GALNT9: variants seen among roughly 807,000 people sequenced by gnomAD.
GALNT9 encodes GalNAc transferase 9.
Under a neutral mutation model 63.1 loss-of-function variants are expected in GALNT9, and 47 were observed. That is an observed-to-expected ratio of 0.75 (90% CI 0.59 to 0.95). The LOEUF is 0.95. GALNT9 is among the 40% of genes least tolerant of loss of function. The pLI, the probability that GALNT9 is intolerant of heterozygous loss-of-function variation, is 0.00. For missense variants in GALNT9, 829 were observed against 874.8 expected (o/e 0.95, Z 0.66); for synonymous variants, 396 against 365.7 (o/e 1.08, Z -0.94).
At chr12:132,326,118 G>C (rs1555246506) in intron 1 of GALNT9, among the ~76,000 whole-genome samples, 1 of 152,258 alleles carries the variant, frequency 6.6e-6, no homozygotes, top group Admixed American at 6.5e-5. Flanking sequence ...ATCTCAAGGG[G>C]CTTGAAAATT....
chr12:132,309,226 A>G (rs1881726986), intron 1 of GALNT9, among the ~76,000 whole-genome samples: 1 of 152,184 alleles, frequency 6.6e-6, no homozygotes, highest in African/African-American at 2.4e-5. Flanking sequence ...AGGATCCAGC[A>G]ATCTGACAGC....
In GALNT9 at chr12:132,204,314, C is replaced by T. The variant is rs115599522; in HGVS notation, c.1078-624G>A. 2.5e-3 allele frequency among the ~76,000 whole-genome samples: 375 copies of T among 152,272 alleles called. 2 individuals are homozygous for T. The highest frequency in any genetic ancestry group is 8.4e-3 in the African/African-American group (350 of 41,540). ...CCTTCCTATACGTGCTCTTTCACTCCGGTTTGTCCCCCCGCGCTGTCCTGC... is the reference window on the plus strand; with the variant it reads ...CCTTCCTATACGTGCTCTTTCACTCTGGTTTGTCCCCCCGCGCTGTCCTGC... On this transcript the variant is annotated intron_variant, in intron 6 of 10. Transcript: ENST00000328957.
At chr12:132,214,483 G>A (rs914245038) in intron 6 of GALNT9, among the ~76,000 whole-genome samples, 7 of 151,916 alleles carry the variant, frequency 4.6e-5, no homozygotes, top group South Asian at 2.1e-4. Flanking sequence ...GAGAGTCCAC[G>A]CCCCACCAGC....
intron 6 of GALNT9, among the ~76,000 whole-genome samples, chr12:132,247,126 G>A (rs1429068585): frequency 6.6e-6 from 1 of 151,302 alleles, no homozygotes. Context: ...GCAGAAGCCC[G>A]GCCGAGCTCA....
At chr12:132,250,834 G>A (rs970611227) in intron 5 of GALNT9, among the ~76,000 whole-genome samples, 2 of 152,196 alleles carry the variant, frequency 1.3e-5, no homozygotes, top group Admixed American at 6.5e-5. Flanking sequence ...GAGGTAAGAC[G>A]GCGAGGAGGC....
At chr12:132,223,162 C>G (rs1387473975) in intron 6 of GALNT9, among the ~76,000 whole-genome samples, 5,238 of 27,614 alleles carry the variant, frequency 0.19, 928 homozygotes, top group Non-Finnish European at 0.26. Flanking sequence ...AACCCACACA[C>G]CACACAACCC....
chr12:132,304,883 A>G (rs1400261791), intron 1 of GALNT9, among the ~76,000 whole-genome samples: 1 of 30,218 alleles, frequency 3.3e-5, no homozygotes, highest in South Asian at 2.3e-3. Flanking sequence ...ACACACCCTC[A>G]CCGGGGCACA....
intron 5 of GALNT9, among the ~76,000 whole-genome samples, chr12:132,257,325 G>A (rs1188773933): frequency 6.6e-6 from 1 of 152,116 alleles, no homozygotes; most frequent in East Asian, 1.9e-4. Context: ...AGCTCTGTGT[G>A]CCAAGTTTTT....
rs948778772 is a variant in GALNT9 at position 132,315,316 on chromosome 12, C to T, written c.238+13650G>A. Among the ~76,000 whole-genome samples, 1 of 144,158 alleles carries T rather than the reference C, an allele frequency of 6.9e-6. No individual in the cohort carries two copies. Among genetic ancestry groups the T allele is most frequent in the Non-Finnish European group, 1.5e-5 (1 of 67,728 alleles). The allele number at this position is 144,158 out of a possible 152,430, so 94.6% of individuals were successfully genotyped here. On this transcript the variant is annotated intron_variant, in intron 1 of 10. Coordinates refer to ENST00000328957, the MANE Select transcript of GALNT9 (RefSeq NM_001122636.2). This position sits in a 1 kb window ranked among gnomAD's most constrained non-coding sequence, Gnocchi z 6.1. Reference sequence around the variant, plus strand: ...TCAGAATATAATCAGGGCGGCCTCCCCCGTGTCCACTGCAAAGTGCTGGAG... The same window carrying T: ...TCAGAATATAATCAGGGCGGCCTCCTCCGTGTCCACTGCAAAGTGCTGGAG...
intron 1 of GALNT9, among the ~76,000 whole-genome samples, chr12:132,320,730 C>A (rs1472828050): frequency 1.1e-5 from 1 of 92,158 alleles, no homozygotes; most frequent in Non-Finnish European, 2.3e-5. Context: ...AGGCCTCCGC[C>A]CCCACCAGGT....
At chr12:132,281,207 G>T (rs547563131) in intron 2 of GALNT9, among the ~76,000 whole-genome samples, 4 of 152,366 alleles carry the variant, frequency 2.6e-5, no homozygotes, top group African/African-American at 7.2e-5. Context: ...CGTCCACCGG[G>T]GTCTGCGTTC....
intron 5 of GALNT9, among the ~76,000 whole-genome samples, chr12:132,250,772 CAG>C (rs1555238470): frequency 6.6e-6 from 1 of 150,888 alleles, no homozygotes; most frequent in African/African-American, 2.5e-5. Context: ...GCCCGGGTGA[CAG>C]AGGGGATTCC....
At chr12:132,243,403 T>C (rs1878542215) in intron 6 of GALNT9, among the ~76,000 whole-genome samples, 1 of 151,344 alleles carries the variant, frequency 6.6e-6, no homozygotes, top group African/African-American at 2.4e-5. Context: ...CTCTCTCTGG[T>C]GGGGGCCCCA....
chr12:132,213,080 C>T (rs1208736749), intron 6 of GALNT9, among the ~76,000 whole-genome samples: 7 of 87,154 alleles, frequency 8.0e-5, no homozygotes, highest in African/African-American at 1.3e-4. Context: ...CCTCAGACCT[C>T]GACACGGAAA....
chr12:132,311,012 T>A (rs1305570444), intron 1 of GALNT9, among the ~76,000 whole-genome samples: 1 of 152,192 alleles, frequency 6.6e-6, no homozygotes, highest in Non-Finnish European at 1.5e-5. Flanking sequence ...TTTCCCATAA[T>A]TGCGGCCTCT....
intron 8 of GALNT9, chr12:132,200,444 C>CAT (rs1375192794): frequency 6.6e-6 from 1 of 152,262 alleles, no homozygotes; most frequent in Non-Finnish European, 1.5e-5. Context: ...GGGGCACCTT[C>CAT]ATGCATGCAC....
chr12:132,283,951 C>G (rs559044586), intron 2 of GALNT9: 1 of 152,094 alleles, frequency 6.6e-6, no homozygotes, highest in Admixed American at 6.5e-5. Context: ...TCCTGCCACA[C>G]AGCTGCCTGG....
chr12:132,250,304 C>T (rs1240766770), intron 5 of GALNT9, among the ~76,000 whole-genome samples: 1 of 152,072 alleles, frequency 6.6e-6, no homozygotes, highest in Admixed American at 6.6e-5. Context: ...CGGGGAGTGG[C>T]GGCTCGTGGG....
At chr12:132,202,649 T>C in intron 7 of GALNT9, among the ~76,000 whole-genome samples, 1 of 150,952 alleles carries the variant, frequency 6.6e-6, no homozygotes, top group Non-Finnish European at 1.5e-5. Context: ...ACTTAAGATC[T>C]GGCTCATTAG....
Sources: allele counts gnomAD v4.1 joint callset (sites outside exome capture counted in the v4.1 genomes callset), GRCh38; gene constraint gnomAD v4.1.1; non-coding constraint Gnocchi (gnomAD v3.1); transcripts MANE v1.5; gene names NCBI Gene and HGNC (gene_info 2026-07-23, HGNC 2026-07-21).